Variants in CERKL observed in about 807,000 individuals in gnomAD.
CERKL encodes the protein ceramide kinase-like protein.
A neutral mutation model predicts 63.4 loss-of-function variants in CERKL; 61 were observed. That is an observed-to-expected ratio of 0.96 (90% CI 0.78 to 1.19). The LOEUF (loss-of-function observed/expected upper bound fraction) is 1.19. CERKL is among the 50% of genes most tolerant of loss of function. CERKL has a pLI of 0.00. For synonymous variants in CERKL, 250 were observed against 230.5 expected (o/e 1.08, Z -0.77); for missense variants, 675 against 655.5 (o/e 1.03, Z -0.33).
chr2:181,538,292 C>A, intron 12 of CERKL, 48 bp from the exon 13 acceptor site: 2 of 1,097,764 alleles, frequency 1.8e-6, no homozygotes, highest in South Asian at 2.5e-5. Context: ...TTGTTTTTCA[C>A]ATACACCTAA....
intron 1 of CERKL, among the ~76,000 whole-genome samples, chr2:181,610,783 T>G (rs1574496551): frequency 6.6e-6 from 1 of 152,354 alleles, no homozygotes; most frequent in East Asian, 1.9e-4. Flanking sequence ...CTTATGAAGC[T>G]CCATAATTTT....
rs1431961082 is a variant in CERKL, at chr2:181,657,026, C to T, written c.-20G>A. 3 of 1,566,282 alleles carry T rather than the reference C, an allele frequency of 1.9e-6. No individual in the cohort carries two copies. The Admixed American group carries it at 5.4e-5, about 28-fold the overall frequency. ...GGGCATGGCGGAGTCGCAGGCTGGGCCCGAGCCAGGGGTCCGGGGAGGCCT... is the reference window on the plus strand; with the variant it reads ...GGGCATGGCGGAGTCGCAGGCTGGGTCCGAGCCAGGGGTCCGGGGAGGCCT... On this transcript the variant is annotated 5_prime_UTR_variant, in exon 1 of 13. Coordinates refer to ENST00000410087, the MANE Select transcript of CERKL (RefSeq NM_201548.5).
intron 1 of CERKL, among the ~76,000 whole-genome samples, chr2:181,648,371 G>C (rs538379937): frequency 1.2e-4 from 18 of 151,458 alleles, no homozygotes; most frequent in Middle Eastern, 6.8e-3. Flanking sequence ...TATGCCAGGA[G>C]AGAAAGGGAT....
intron 2 of CERKL, among the ~76,000 whole-genome samples, chr2:181,576,622 G>A (rs1486905512): frequency 6.6e-6 from 1 of 152,182 alleles, no homozygotes; most frequent in Non-Finnish European, 1.5e-5. Flanking sequence ...ATAACCTTAG[G>A]TGTTGAAAGA....
At chr2:181,632,253 T>C (rs2105482657) in intron 1 of CERKL, among the ~76,000 whole-genome samples, 1 of 152,312 alleles carries the variant, frequency 6.6e-6, no homozygotes, top group Non-Finnish European at 1.5e-5. Context: ...ATTAGATTTT[T>C]TTCTCATATA....
intron 4 of CERKL, among the ~76,000 whole-genome samples, chr2:181,561,330 A>G (rs1177467780): frequency 2.6e-5 from 4 of 151,720 alleles, no homozygotes; most frequent in African/African-American, 9.7e-5. Context: ...GAATTGCTTG[A>G]ACCTGGGAGA....
In CERKL at chr2:181,538,187, C is replaced by T. The variant is rs752334385; in HGVS notation, c.1596G>A (p.Lys532=). 2.7e-5 allele frequency: 42 copies of T among 1,567,380 alleles called. No homozygotes were observed. The highest frequency in any genetic ancestry group is 3.2e-5 in the Non-Finnish European group (36 of 1,139,222). Reference sequence around the variant, plus strand: ...TTCTTTTAGAAACAATTACATGTTACTTTGGAATCATTTCTTCCATGCTTC... The same window carrying T: ...TTCTTTTAGAAACAATTACATGTTATTTTGGAATCATTTCTTCCATGCTTC... The part of the protein sequence containing the change: ...YGGSMEEMIP[K] Residue 532 remains lysine (K), a synonymous_variant, in exon 13 of 13, where the codon AAG becomes AAA. Coordinates refer to ENST00000410087, the MANE Select transcript of CERKL (RefSeq NM_201548.5).
intron 1 of CERKL, among the ~76,000 whole-genome samples, chr2:181,652,600 A>G (rs1233307584): frequency 6.6e-6 from 1 of 152,222 alleles, no homozygotes; most frequent in East Asian, 1.9e-4. Flanking sequence ...ATAAGACCTC[A>G]AAAGCATAGA....
intron 4 of CERKL, among the ~76,000 whole-genome samples, chr2:181,565,776 A>G (rs578081097): frequency 6.6e-6 from 1 of 152,270 alleles, no homozygotes; most frequent in East Asian, 1.9e-4. Context: ...ATAATTATAG[A>G]TGCAAATGTA....
At chr2:181,621,970 T>C (rs966160410) in intron 1 of CERKL, among the ~76,000 whole-genome samples, 1 of 152,186 alleles carries the variant, frequency 6.6e-6, no homozygotes, top group African/African-American at 2.4e-5. Context: ...TCCAGATGGA[T>C]TCAAGTTTCC....
intron 5 of CERKL, among the ~76,000 whole-genome samples, chr2:181,552,430 C>T (rs1688025889): frequency 6.6e-6 from 1 of 152,158 alleles, no homozygotes; most frequent in African/African-American, 2.4e-5. Flanking sequence ...GACTCTTCCC[C>T]ACTTCACTCA....
chr2:181,538,030 A>G lies in CERKL; in HGVS notation c.*154T>C, dbSNP rs1052169203. 1.4e-6 allele frequency: 1 copy of G among 695,514 alleles called. No homozygotes were observed. The highest frequency in any genetic ancestry group is 1.8e-5 in the African/African-American group (1 of 56,646). 43.1% of individuals were successfully genotyped at this position (695,514 alleles called of 1,614,324 possible). A position where few individuals can be genotyped will look rare whatever the true frequency, so the allele number is the denominator to read the frequency against. On this transcript the variant is annotated 3_prime_UTR_variant, in exon 13 of 13. Transcript: ENST00000410087. Reference sequence around the variant, plus strand: ...TCTAATGCCTGATGATCTGAGGTGGAACAGTTCATCCTGAAACCATTCCCC... The same window carrying G: ...TCTAATGCCTGATGATCTGAGGTGGGACAGTTCATCCTGAAACCATTCCCC...
At chr2:181,549,805 G>A in intron 5 of CERKL, 97 bp from the exon 6 acceptor site, 1 of 823,144 alleles carries the variant, frequency 1.2e-6, no homozygotes. Flanking sequence ...TCAATGTTCA[G>A]ATGAAAAATA....
intron 1 of CERKL, among the ~76,000 whole-genome samples, chr2:181,627,305 C>A (rs920582435): frequency 6.6e-6 from 1 of 151,974 alleles, no homozygotes; most frequent in Non-Finnish European, 1.5e-5. Flanking sequence ...AGGAAACCCT[C>A]ATTAGTAAAA....
rs765851821 is a variant in CERKL at position 181,656,918 on chromosome 2, G to A, written c.89C>T (p.Pro30Leu). The A allele has an allele frequency of 6.3e-6, 10 of 1,598,904 alleles. No homozygotes were observed. The South Asian group carries it at 6.6e-5, about 11-fold the overall frequency. The stretch of plus-strand genomic sequence containing the variant: ...CTGCTGCGGGGACGTTAACAGCGCC[G>A]GAGGCACAGCGGCAGCCTCCGGGGG... ...EAPPEAAAVP[P>L]ALLTSPQQTE... Residue 30 changes from proline to leucine, a missense_variant, in exon 1 of 13, where the codon CCG becomes CTG. Transcript: ENST00000410087.
chr2:181,644,749 C>T (rs1444380113), intron 1 of CERKL, among the ~76,000 whole-genome samples: 1 of 151,962 alleles, frequency 6.6e-6, no homozygotes, highest in Non-Finnish European at 1.5e-5. Flanking sequence ...ATAGGAGATC[C>T]AATTATGCCT....
intron 1 of CERKL, among the ~76,000 whole-genome samples, chr2:181,631,197 C>T (rs1424103776): frequency 2.0e-5 from 3 of 152,178 alleles, no homozygotes; most frequent in African/African-American, 7.2e-5. Context: ...TTTCTCAAGT[C>T]TTCTATATTT....
intron 1 of CERKL, among the ~76,000 whole-genome samples, chr2:181,634,993 A>C (rs2105492032): frequency 6.6e-6 from 1 of 152,302 alleles, no homozygotes; most frequent in South Asian, 2.1e-4. Flanking sequence ...ATCTTTGAAA[A>C]GTAAAGGCCA....
intron 1 of CERKL, among the ~76,000 whole-genome samples, chr2:181,640,855 G>A (rs560878387): frequency 6.6e-6 from 1 of 152,264 alleles, no homozygotes; most frequent in East Asian, 1.9e-4. Flanking sequence ...CAATTTGTGT[G>A]TCCCTTGGCT....
Sources: gnomAD v4.1 joint callset for allele counts (sites outside exome capture counted in the v4.1 genomes callset) on GRCh38, gnomAD v4.1.1 for gene constraint, MANE v1.5 for transcripts, NCBI Gene and HGNC (gene_info 2026-07-23, HGNC 2026-07-21) for gene names.